SIK2: variants seen among roughly 807,000 people sequenced by gnomAD.
The protein encoded by SIK2 is serine/threonine-protein kinase SIK2.
Under a neutral mutation model 103.2 loss-of-function variants are expected in SIK2, and 29 were observed. The observed-to-expected ratio is 0.28, with a 90% CI of 0.21 to 0.38. SIK2 has a LOEUF of 0.38. SIK2 is among the 10% of genes least tolerant of loss of function. The probability of loss-of-function intolerance (pLI) is 1.00; values close to 1 mark genes in which losing one functional copy is unlikely to be tolerated. For missense variants in SIK2, 879 were observed against 1,171.0 expected (o/e 0.75, Z 3.64); for synonymous variants, 412 against 446.1 (o/e 0.92, Z 0.96).
chr11:111,657,800 G>A (rs942596341), intron 3 of SIK2, among the ~76,000 whole-genome samples: 2 of 152,072 alleles, frequency 1.3e-5, no homozygotes, highest in African/African-American at 4.8e-5. Flanking sequence ...AGTACAGAAA[G>A]TTATGAGGTT....
chr11:111,626,815 A>G (rs11213959), intron 3 of SIK2, among the ~76,000 whole-genome samples: 4,310 of 152,170 alleles, frequency 0.028, 203 homozygotes, highest in African/African-American at 0.097. Context: ...CTTTATTACC[A>G]TGGGCCCTTA....
rs571818114 is a variant in SIK2 at position 111,715,145 on chromosome 11, G to C, written c.1266+2770G>C. Among the ~76,000 whole-genome samples, 9 of 152,358 alleles carry C rather than the reference G, an allele frequency of 5.9e-5. No homozygotes were observed. The South Asian group carries it at 1.7e-3, about 28-fold the overall frequency. On this transcript the variant is annotated intron_variant, in intron 9 of 14. Transcript: ENST00000304987. ...TATTTGCATTTGTAGGAAGAGCAGTGCCACGCTGGAGCTGGTCACCCACAC... is the reference window on the plus strand; with the variant it reads ...TATTTGCATTTGTAGGAAGAGCAGTCCCACGCTGGAGCTGGTCACCCACAC...
At chr11:111,623,783 C>T (rs549603054) in intron 3 of SIK2, among the ~76,000 whole-genome samples, 10 of 152,322 alleles carry the variant, frequency 6.6e-5, no homozygotes, top group Non-Finnish European at 1.0e-4. Context: ...CAGCACTCTC[C>T]TGAGTGCTCA....
chr11:111,605,527 A>G (rs1309218144), intron 1 of SIK2, among the ~76,000 whole-genome samples: 2 of 152,220 alleles, frequency 1.3e-5, no homozygotes, highest in Non-Finnish European at 2.9e-5. Context: ...AATTATACTT[A>G]TTGACGATAA....
chr11:111,644,347 A>G (rs531093361), intron 3 of SIK2, among the ~76,000 whole-genome samples: 63 of 151,622 alleles, frequency 4.2e-4, no homozygotes, highest in Admixed American at 1.6e-3. Context: ...CGAAATCCTT[A>G]TTTTCCTGAA....
chr11:111,626,345 A>G (rs1233239302), intron 3 of SIK2, among the ~76,000 whole-genome samples: 3 of 151,734 alleles, frequency 2.0e-5, no homozygotes, highest in Non-Finnish European at 4.4e-5. Context: ...ACTTTGTCAT[A>G]CAGCTTGAAG....
chr11:111,708,154 G>C (rs1343125997), intron 8 of SIK2, among the ~76,000 whole-genome samples: 2 of 152,196 alleles, frequency 1.3e-5, no homozygotes, highest in African/African-American at 4.8e-5. Context: ...GGCCAAGGCA[G>C]GTGGTTTGCT....
At chr11:111,668,933 G>A (rs562401037) in intron 3 of SIK2, among the ~76,000 whole-genome samples, 2 of 152,274 alleles carry the variant, frequency 1.3e-5, no homozygotes, top group Admixed American at 1.3e-4. Flanking sequence ...GCAGGGTGTG[G>A]AGATTAGCTC....
chr11:111,683,922 C>A (rs1196866692), intron 3 of SIK2, among the ~76,000 whole-genome samples: 1 of 152,150 alleles, frequency 6.6e-6, no homozygotes, highest in Admixed American at 6.5e-5. Flanking sequence ...TTACTGATTT[C>A]TCAGCAGATG....
Position 111,720,663 on chromosome 11 carries a change from G to A in SIK2, c.1681G>A (p.Ala561Thr). The A allele has an allele frequency of 6.2e-7, 1 of 1,614,068 alleles. No homozygotes were observed. Among genetic ancestry groups the A allele is most frequent in the Non-Finnish European group, 8.5e-7 (1 of 1,180,014 alleles). ...PFISLRPTNP[A>T]MQALSSQKRE... ...CATAAGCCTGAGACCTACCAACCCAGCCATGCAGGCTCTGAGCTCCCAGAA... is the reference window on the plus strand; with the variant it reads ...CATAAGCCTGAGACCTACCAACCCAACCATGCAGGCTCTGAGCTCCCAGAA... Residue 561 changes from alanine (A) to threonine (T), a missense_variant, in exon 11 of 15, where the codon GCC becomes ACC. Physicochemically the swap from Ala to Thr is moderately conservative, Grantham distance 58. Transcript: ENST00000304987.
At chr11:111,616,199 A>G in intron 1 of SIK2, 44 bp from the exon 2 acceptor site, 1 of 1,312,348 alleles carries the variant, frequency 7.6e-7, no homozygotes, top group Non-Finnish European at 1.1e-6. Context: ...AGAAAATGTT[A>G]ACTATTGTAT....
intron 12 of SIK2, 34 bp downstream of exon 12, chr11:111,721,096 G>A (rs763816019): frequency 1.3e-6 from 2 of 1,589,202 alleles, no homozygotes; most frequent in Non-Finnish European, 1.7e-6. Context: ...CAATGGCTCT[G>A]TGAGGATGAG....
At chr11:111,686,150 T>C (rs1942842731) in intron 3 of SIK2, among the ~76,000 whole-genome samples, 1 of 151,952 alleles carries the variant, frequency 6.6e-6, no homozygotes, top group South Asian at 2.1e-4. Context: ...GTAAATTTTA[T>C]AGTAAGTAGG....
chr11:111,702,842 C>G (rs990290532), intron 6 of SIK2, among the ~76,000 whole-genome samples: 8 of 152,174 alleles, frequency 5.3e-5, no homozygotes, highest in African/African-American at 1.9e-4. Flanking sequence ...AGTATATCAG[C>G]ATTAGATATG....
intron 3 of SIK2, among the ~76,000 whole-genome samples, chr11:111,657,449 G>T (rs999178487): frequency 1.3e-5 from 2 of 152,100 alleles, no homozygotes; most frequent in South Asian, 4.1e-4. Context: ...AAGTGCAGTG[G>T]TGCAGCCATG....
At position 111,720,647 on chromosome 11, in the gene SIK2, G is replaced by A; in HGVS notation, c.1665G>A (p.Leu555=). 3 of 1,614,056 alleles carry A rather than the reference G, an allele frequency of 1.9e-6. No individual in the cohort carries two copies. The highest frequency in any genetic ancestry group is 2.5e-6 in the Non-Finnish European group (3 of 1,180,014). The change falls in exon 11 of 15, where the codon CTG becomes CTA. Residue 555 remains leucine (L), a synonymous_variant. Transcript: ENST00000304987. The stretch of plus-strand genomic sequence containing the variant: ...GCATGACATCTCCCTTCATAAGCCT[G>A]AGACCTACCAACCCAGCCATGCAGG... ...SPRMTSPFIS[L]RPTNPAMQAL... is the part of the protein sequence containing the mutation.
At chr11:111,609,889 G>A (rs1941697377) in intron 1 of SIK2, among the ~76,000 whole-genome samples, 1 of 152,084 alleles carries the variant, frequency 6.6e-6, no homozygotes, top group African/African-American at 2.4e-5. Flanking sequence ...TAATTTCAAA[G>A]GTCTAATGTA....
At chr11:111,710,651 T>C (rs1591637075) in intron 8 of SIK2, among the ~76,000 whole-genome samples, 3 of 152,350 alleles carry the variant, frequency 2.0e-5, no homozygotes, top group East Asian at 3.9e-4. Context: ...GAGGAATTAA[T>C]GTTACTGAGT....
chr11:111,724,291 C>A lies in SIK2; in HGVS notation c.*162C>A. On this transcript the variant is annotated 3_prime_UTR_variant, in exon 15 of 15. Coordinates refer to ENST00000304987, the MANE Select transcript of SIK2 (RefSeq NM_015191.3). ...GAGGGTCTGGCTGGGGTGGATGTTGCTTCCTCCTGGTTCTGCCCCACCACA... is the reference window on the plus strand; with the variant it reads ...GAGGGTCTGGCTGGGGTGGATGTTGATTCCTCCTGGTTCTGCCCCACCACA... 1 of 1,044,918 alleles carries A rather than the reference C, an allele frequency of 9.6e-7. No homozygotes were observed. The highest frequency in any genetic ancestry group is 1.3e-6 in the Non-Finnish European group (1 of 745,048). 64.7% of individuals were successfully genotyped at this position (1,044,918 alleles called of 1,614,324 possible). A position where few individuals can be genotyped will look rare whatever the true frequency, so the allele number is the denominator to read the frequency against.
Sources: gnomAD v4.1 joint callset for allele counts (sites outside exome capture counted in the v4.1 genomes callset) on GRCh38, gnomAD v4.1.1 for gene constraint, MANE v1.5 for transcripts, NCBI Gene and HGNC (gene_info 2026-07-23, HGNC 2026-07-21) for gene names.